The following FNDC3B variants were observed in gnomAD, a reference collection of about 807,000 sequenced individuals.
FNDC3B encodes fibronectin type III domain-containing protein 3B.
In FNDC3B, 12 loss-of-function variants were observed where a neutral mutation model predicts 151.5. The ratio of observed to expected loss-of-function variants is 0.08; its 90% CI spans 0.05 to 0.13. The LOEUF is 0.13. Ranked by LOEUF, FNDC3B falls within the 10% of genes least tolerant of loss-of-function variation. The pLI is 1.00. For synonymous variants in FNDC3B, 528 were observed against 549.0 expected (o/e 0.96, Z 0.54); for missense variants, 1,214 against 1,505.3 (o/e 0.81, Z 3.20).
chr3:172,368,271 T>TA (rs140694988), intron 23 of FNDC3B, among the ~76,000 whole-genome samples: 2,704 of 140,114 alleles, frequency 0.019, 95 homozygotes, highest in African/African-American at 0.069. Flanking sequence ...CCCAGACTCT[T>TA]AAAAAAAAAA....
chr3:172,143,833 T>C (rs1721759801), intron 3 of FNDC3B, among the ~76,000 whole-genome samples: 1 of 151,892 alleles, frequency 6.6e-6, no homozygotes, highest in African/African-American at 2.4e-5. Flanking sequence ...CGCTTGAACC[T>C]GGGAGGTGAA....
chr3:172,388,673 T>C (rs780205623), intron 25 of FNDC3B, among the ~76,000 whole-genome samples: 5 of 152,192 alleles, frequency 3.3e-5, no homozygotes, highest in Non-Finnish European at 7.3e-5. Context: ...CATTAGTTCC[T>C]AAGTACTGTG....
chr3:172,130,487 A>G (rs1721020036), intron 2 of FNDC3B, among the ~76,000 whole-genome samples: 1 of 151,974 alleles, frequency 6.6e-6, no homozygotes, highest in African/African-American at 2.4e-5. Flanking sequence ...TTCTCCCTGA[A>G]GAAGTGGGAT....
At chr3:172,304,694 C>A (rs1731102388) in intron 9 of FNDC3B, among the ~76,000 whole-genome samples, 1 of 152,002 alleles carries the variant, frequency 6.6e-6, no homozygotes. Context: ...GTCAGGTGTT[C>A]AAGACCAGCC....
rs150651798 is a variant in FNDC3B at position 172,391,618 on chromosome 3, A to G, written c.3304-5546A>G. Reference sequence around the variant, plus strand: ...AAATATTTCAATAGGTGTCACCTGCAAAAGAATCAGTGAAAGAGGTGTATC... The same window carrying G: ...AAATATTTCAATAGGTGTCACCTGCGAAAGAATCAGTGAAAGAGGTGTATC... On this transcript the variant is annotated intron_variant, in intron 25 of 25. Transcript: ENST00000415807. Among the ~76,000 whole-genome samples the G allele has an allele frequency of 5.7e-3, 872 of 152,356 alleles. 9 individuals carry two copies. The highest frequency in any genetic ancestry group is 8.8e-3 in the Non-Finnish European group (598 of 68,034).
chr3:172,075,925 C>T (rs1346711667), intron 1 of FNDC3B, among the ~76,000 whole-genome samples: 1 of 152,048 alleles, frequency 6.6e-6, no homozygotes, highest in African/African-American at 2.4e-5. Context: ...ACCTGGAGTT[C>T]AAAAAACACT....
intron 1 of FNDC3B, among the ~76,000 whole-genome samples, chr3:172,089,918 C>G (rs1718725571): frequency 6.6e-6 from 1 of 152,116 alleles, no homozygotes; most frequent in African/African-American, 2.4e-5. Context: ...ACGTTAATGA[C>G]AAATATGATT....
intron 19 of FNDC3B, 68 bp from the exon 20 acceptor site, chr3:172,346,259 A>C: frequency 1.2e-6 from 1 of 835,548 alleles, no homozygotes; most frequent in Non-Finnish European, 1.9e-6. Flanking sequence ...AAGCTTTTGT[A>C]TGCACACACA....
intron 11 of FNDC3B, among the ~76,000 whole-genome samples, chr3:172,321,430 C>T (rs1308346214): frequency 6.6e-6 from 1 of 152,194 alleles, no homozygotes; most frequent in Non-Finnish European, 1.5e-5. Flanking sequence ...TAAAATTATT[C>T]AGAGAGGTCC....
At chr3:172,166,662 G>A (rs1344187239) in intron 3 of FNDC3B, among the ~76,000 whole-genome samples, 7 of 152,136 alleles carry the variant, frequency 4.6e-5, no homozygotes, top group Admixed American at 1.3e-4. Flanking sequence ...GGCTAAGGTG[G>A]GAGGATTGCT....
Position 172,330,621 on chromosome 3 carries a change from G to A in FNDC3B, c.1460G>A (p.Gly487Asp). Residue 487 changes from glycine to aspartate, a missense_variant, in exon 13 of 26, where the codon GGC becomes GAC. Physicochemically the swap from Gly to Asp is moderately conservative, Grantham distance 94. This residue lies in a region of FNDC3B where 111 missense variants were observed against 96.8 expected (regional missense o/e 1.15). Coordinates refer to ENST00000415807, the MANE Select transcript of FNDC3B (RefSeq NM_022763.4). ...TCTGCACCAAGGCTGGTTCGAGCTGGCATCACATGGGTCACGTTGCAGTGG... is the reference window on the plus strand; with the variant it reads ...TCTGCACCAAGGCTGGTTCGAGCTGACATCACATGGGTCACGTTGCAGTGG... ...MPSAPRLVRA[G>D]ITWVTLQWSK... is the part of the protein sequence containing the mutation. The A allele has an allele frequency of 1.2e-6, 2 of 1,614,214 alleles. No homozygotes were observed. The highest frequency in any genetic ancestry group is 1.7e-6 in the Non-Finnish European group (2 of 1,180,004).
chr3:172,123,190 C>T (rs6768106), intron 2 of FNDC3B, among the ~76,000 whole-genome samples: 3,567 of 152,200 alleles, frequency 0.023, 127 homozygotes, highest in African/African-American at 0.082. Flanking sequence ...AGGCATGCAC[C>T]AGCATGGCCT....
chr3:172,334,870 T>C (rs1240247229), intron 14 of FNDC3B, 74 bp from the exon 15 acceptor site: 1 of 1,430,022 alleles, frequency 7.0e-7, no homozygotes, highest in Non-Finnish European at 9.6e-7. Flanking sequence ...AATCTCACCA[T>C]GTTAAAAAGT....
intron 14 of FNDC3B, 41 bp from the exon 15 acceptor site, chr3:172,334,903 G>A: frequency 6.3e-7 from 1 of 1,586,052 alleles, no homozygotes; most frequent in South Asian, 1.1e-5. Context: ...AATGATCCCT[G>A]ATAACTAAAT....
intron 4 of FNDC3B, among the ~76,000 whole-genome samples, chr3:172,228,312 T>A (rs981142034): frequency 5.3e-5 from 8 of 152,202 alleles, no homozygotes; most frequent in African/African-American, 1.9e-4. Context: ...TTCCATTATG[T>A]CTCCTGCTCA....
At chr3:172,121,723 A>G (rs1304943673) in intron 2 of FNDC3B, among the ~76,000 whole-genome samples, 1 of 152,114 alleles carries the variant, frequency 6.6e-6, no homozygotes, top group East Asian at 1.9e-4. Flanking sequence ...TATTTAAAGC[A>G]TTTATGTATG....
chr3:172,278,215 C>T (rs781551690), intron 6 of FNDC3B, among the ~76,000 whole-genome samples: 3 of 152,132 alleles, frequency 2.0e-5, no homozygotes, highest in Non-Finnish European at 4.4e-5. Context: ...TCAGTTGGCA[C>T]AGTCTTGCAA....
At chr3:172,299,183 T>C (rs1730779403) in intron 9 of FNDC3B, among the ~76,000 whole-genome samples, 1 of 152,232 alleles carries the variant, frequency 6.6e-6, no homozygotes, top group East Asian at 1.9e-4. Flanking sequence ...GCCCTTTCCA[T>C]GTTGCAAGCA....
intron 18 of FNDC3B, among the ~76,000 whole-genome samples, chr3:172,343,797 C>A (rs1031074771): frequency 1.3e-5 from 2 of 152,082 alleles, no homozygotes; most frequent in Non-Finnish European, 2.9e-5. Context: ...CTTCCATTTA[C>A]CTAGCATTAG....
Sources: allele counts gnomAD v4.1 joint callset (sites outside exome capture counted in the v4.1 genomes callset), GRCh38; gene constraint gnomAD v4.1.1; regional missense constraint gnomAD v4.1.1; transcripts MANE v1.5; gene names NCBI Gene and HGNC (gene_info 2026-07-23, HGNC 2026-07-21).